Variants in TLE2 observed in about 807,000 individuals in gnomAD.
TLE2 encodes the protein transducin-like enhancer protein 2.
TLE2 carries 74 observed loss-of-function variants against 97.2 expected under a neutral mutation model. The observed-to-expected ratio is 0.76, with a 90% CI of 0.63 to 0.92. The LOEUF is 0.92. Ranked by LOEUF, TLE2 falls within the 40% of genes least tolerant of loss-of-function variation. TLE2 has a pLI of 0.00. For missense variants in TLE2, 1,038 were observed against 1,008.7 expected, an observed-to-expected ratio of 1.03 and a Z score of -0.39; for synonymous variants, 499 against 432.1, an observed-to-expected ratio of 1.15 and a Z score of -1.92.
chr19:3,017,607 C>T lies in TLE2; in HGVS notation c.570+233G>A, dbSNP rs138060317. ...CTGACACAACAGGCATGGACCACCACACCCAGCCAACTTTTTGTATTTTTC... is the reference window on the plus strand; with the variant it reads ...CTGACACAACAGGCATGGACCACCATACCCAGCCAACTTTTTGTATTTTTC... On this transcript the variant is annotated intron_variant, in intron 8 of 19. Coordinates refer to ENST00000262953, the MANE Select transcript of TLE2 (RefSeq NM_003260.5). Among the ~76,000 whole-genome samples, 102 of 151,980 alleles carry T rather than the reference C, an allele frequency of 6.7e-4. 1 individual carries two copies. In the East Asian group the frequency reaches 0.015, roughly 22 times the overall value.
chr19:3,013,110 G>A (rs1462367817), intron 11 of TLE2, among the ~76,000 whole-genome samples: 3 of 152,138 alleles, frequency 2.0e-5, no homozygotes, highest in African/African-American at 7.2e-5. Context: ...AAGTGTAGGG[G>A]AGGGGTCTGG....
rs2089688310 is a variant in TLE2 at position 3,015,739 on chromosome 19, CAG to C, written c.590_591del (p.Pro197ArgfsTer22). The C allele has an allele frequency of 6.2e-7, 1 of 1,610,276 alleles. No homozygotes were observed. The highest frequency in any genetic ancestry group is 1.3e-5 in the African/African-American group (1 of 74,848). On this transcript the variant is annotated frameshift_variant, in exon 9 of 20. Coordinates refer to ENST00000262953, the MANE Select transcript of TLE2 (RefSeq NM_003260.5). LOFTEE classifies it high-confidence loss of function. ...GGTCGCTCCTCCTCCACGAGACTCTCAGGGGGCGAGGGAGATGCACTCTGCGG... is the reference window on the plus strand; with the variant it reads ...GGTCGCTCCTCCTCCACGAGACTCTCGGGGCGAGGGAGATGCACTCTGCGG... The part of the protein sequence containing the change: ...APSRSASPSP[P>X]ESLVEEERPS...
intron 3 of TLE2, 29 bp downstream of exon 3, chr19:3,028,290 C>T: frequency 6.3e-7 from 1 of 1,596,338 alleles, no homozygotes. Flanking sequence ...CCGCCTCTCC[C>T]CTCACCCTGG....
chr19:3,038,456 T>A (rs1048683302), intron 1 of TLE2, among the ~76,000 whole-genome samples: 8 of 152,236 alleles, frequency 5.3e-5, no homozygotes, highest in Non-Finnish European at 7.3e-5. Flanking sequence ...CAAGCAGTCC[T>A]CTTCCCTCAG....
intron 19 of TLE2, among the ~76,000 whole-genome samples, chr19:2,998,513 G>A (rs2089277481): frequency 6.6e-6 from 1 of 152,024 alleles, no homozygotes; most frequent in Admixed American, 6.6e-5. Context: ...CCTGACCTCA[G>A]GTGATCCGCC....
At chr19:3,041,708 G>C (rs750218647) in intron 1 of TLE2, among the ~76,000 whole-genome samples, 2 of 152,210 alleles carry the variant, frequency 1.3e-5, no homozygotes, top group African/African-American at 2.4e-5. Flanking sequence ...GAGGCGCTCC[G>C]TCTGGGTCCG....
At chr19:3,003,241 A>C (rs763794999) in intron 17 of TLE2, among the ~76,000 whole-genome samples, 1 of 152,136 alleles carries the variant, frequency 6.6e-6, no homozygotes, top group Non-Finnish European at 1.5e-5. Context: ...AGGAGGGAGG[A>C]GGGACAGAGA....
chr19:2,997,879 T>G lies in TLE2; in HGVS notation c.2201A>C (p.Lys734Thr). Residue 734 changes from lysine (K) to threonine (T), a missense_variant, in exon 20 of 20, where the codon AAG (lysine) becomes ACG (threonine). Transcript: ENST00000262953. ...GACCACCTCATACACGGTGGCCTTCTTGTCCCCCGAGCCTGTCACGATGTA... is the reference window on the plus strand; with the variant it reads ...GACCACCTCATACACGGTGGCCTTCGTGTCCCCCGAGCCTGTCACGATGTA... The part of the protein sequence containing the change: ...NKYIVTGSGD[K>T]KATVYEVVY The G allele has an allele frequency of 6.2e-7, 1 of 1,612,252 alleles. No individual in the cohort carries two copies. The highest frequency in any genetic ancestry group is 8.5e-7 in the Non-Finnish European group (1 of 1,179,268).
intron 1 of TLE2, among the ~76,000 whole-genome samples, chr19:3,042,707 C>T (rs899510915): frequency 1.3e-5 from 2 of 151,552 alleles, no homozygotes; most frequent in African/African-American, 4.9e-5. Context: ...AGGGGTTTGT[C>T]CCTTCTCCCC....
chr19:3,024,125 C>A (rs1055389617), intron 5 of TLE2, among the ~76,000 whole-genome samples: 5 of 151,166 alleles, frequency 3.3e-5, no homozygotes, highest in Admixed American at 3.3e-4. Context: ...CTCAGCCTCC[C>A]GAGTAGCTGG....
chr19:3,000,202 G>A (rs1277578510), intron 19 of TLE2, among the ~76,000 whole-genome samples: 1 of 150,942 alleles, frequency 6.6e-6, no homozygotes, highest in Admixed American at 6.6e-5. Flanking sequence ...CTCTCGAGTA[G>A]CTGGGACTAC....
chr19:3,025,081 G>A lies in TLE2; in HGVS notation c.233C>T (p.Ala78Val), dbSNP rs1178395801. 13 of 1,598,648 alleles carry A rather than the reference G, an allele frequency of 8.1e-6. No homozygotes were observed. The highest frequency in any genetic ancestry group is 4.0e-5 in the African/African-American group (3 of 74,492). The change falls in exon 5 of 20, where the codon GCG (alanine) becomes GTG (valine). Residue 78 changes from alanine to valine, a missense_variant and splice_region_variant. By Grantham distance (64) the Ala-to-Val change is moderately conservative. Coordinates refer to ENST00000262953, the MANE Select transcript of TLE2 (RefSeq NM_003260.5). ...ACCGCTCAGACGCTTCACAATCTCC[G>A]CCTGGCAGGAAGCAATGAGAGGAAG... is the stretch of plus-strand genomic sequence containing the variant. ...YGLNIEMHKQ[A>V]EIVKRLSGIC...
rs755885422 is a variant in TLE2, at chr19:3,002,378, C to T, written c.2022G>A (p.Val674=). 2 of 1,613,582 alleles carry T rather than the reference C, an allele frequency of 1.2e-6. No individual in the cohort carries two copies. Among genetic ancestry groups the T allele is most frequent in the South Asian group, 1.1e-5 (1 of 91,016 alleles). The part of the protein sequence containing the change: ...KYQLHLHESC[V]LSLKFASCGR... ...CGCAGGAGGCAAACTTCAGGGACAGCACGCAGCTCTCGTGGAGGTGCAGCT... is the reference window on the plus strand; with the variant it reads ...CGCAGGAGGCAAACTTCAGGGACAGTACGCAGCTCTCGTGGAGGTGCAGCT... Residue 674 remains valine, a synonymous_variant, in exon 18 of 20, where the codon GTG becomes GTA. Coordinates refer to ENST00000262953, the MANE Select transcript of TLE2 (RefSeq NM_003260.5).
At chr19:3,017,955 C>A (rs747887149) in intron 7 of TLE2, 96 bp from the exon 8 acceptor site, 2 of 1,165,374 alleles carry the variant, frequency 1.7e-6, no homozygotes, top group East Asian at 2.5e-5. Context: ...GTTTATAAAG[C>A]CCCCCGCCCC....
intron 17 of TLE2, among the ~76,000 whole-genome samples, chr19:3,003,394 G>A (rs924502644): frequency 3.9e-5 from 6 of 152,082 alleles, no homozygotes; most frequent in Non-Finnish European, 8.8e-5. Flanking sequence ...TCCCAACACT[G>A]TGGGAGGCCG....
rs562253540 is a variant in TLE2, at chr19:3,037,011, G to A, written c.64-8208C>T. Among the ~76,000 whole-genome samples, 10 of 152,340 alleles carry A rather than the reference G, an allele frequency of 6.6e-5. No homozygotes were observed. The East Asian group carries it at 1.4e-3, about 21-fold the overall frequency. On this transcript the variant is annotated intron_variant, in intron 1 of 18. Transcript: ENST00000426948. ...TATTTAATAGATGTTGGGGCAGGGC[G>A]TGGTGGCTCACGCCCGTAATCCCAG... is the stretch of plus-strand genomic sequence containing the variant.
At chr19:2,998,236 AATGT>A (rs1298363220) in intron 19 of TLE2, among the ~76,000 whole-genome samples, 9 of 85,136 alleles carry the variant, frequency 1.1e-4, no homozygotes, top group East Asian at 6.2e-4. Flanking sequence ...ACGCCCGGCC[AATGT>A]GTGTGTGTGT....
At chr19:3,005,277 G>A (rs982702806) in intron 17 of TLE2, among the ~76,000 whole-genome samples, 160 bp downstream of exon 17, 1 of 152,062 alleles carries the variant, frequency 6.6e-6, no homozygotes, top group East Asian at 1.9e-4. Context: ...AGAGTTACAG[G>A]GGAAGCCTGT....
Position 3,006,492 on chromosome 19 carries a change from G to T in TLE2, c.1428C>A (p.Gly476=). ...CGTCCCACACCTTCACACAGCCCTT[G>T]CCGCCCGTGTACACATGCTGTGTGG... ...SGSTQHVYTG[G]KGCVKVWDVG... is the part of the protein sequence containing the mutation. The change falls in exon 15 of 20, where the codon GGC becomes GGA. Residue 476 remains glycine (G), a synonymous_variant. Coordinates refer to ENST00000262953, the MANE Select transcript of TLE2 (RefSeq NM_003260.5). 6.2e-7 allele frequency: 1 copy of T among 1,610,108 alleles called. No homozygotes were observed. The highest frequency in any genetic ancestry group is 2.2e-5 in the East Asian group (1 of 44,788).
Sources: gnomAD v4.1 joint callset for allele counts (sites outside exome capture counted in the v4.1 genomes callset) on GRCh38, gnomAD v4.1.1 for gene constraint, MANE v1.5 for transcripts, NCBI Gene and HGNC (gene_info 2026-07-23, HGNC 2026-07-21) for gene names.